Variants in ADAM17 observed in about 807,000 individuals in gnomAD.
ADAM17 encodes disintegrin and metalloproteinase domain-containing protein 17.
In ADAM17, 39 loss-of-function variants were observed where a neutral mutation model predicts 96.7. The observed-to-expected ratio is 0.40, with a 90% CI of 0.31 to 0.53. The LOEUF (loss-of-function observed/expected upper bound fraction) is 0.53. Ranked by LOEUF, ADAM17 falls within the 20% of genes least tolerant of loss-of-function variation. The probability of loss-of-function intolerance (pLI) is 0.44; values close to 1 mark genes in which losing one functional copy is unlikely to be tolerated. For missense variants in ADAM17, 777 were observed against 1,013.2 expected (o/e 0.77, Z 3.17); for synonymous variants, 344 against 359.2 (o/e 0.96, Z 0.48).
chr2:9,514,566 TATAA>T (rs1663952878), intron 10 of ADAM17, among the ~76,000 whole-genome samples: 2 of 92,356 alleles, frequency 2.2e-5, no homozygotes, highest in South Asian at 3.3e-4. Flanking sequence ...TATATATATA[TATAA>T]ATAAAAAGAG....
In ADAM17 at chr2:9,489,259, A is replaced by ATTTTTTTTTTTT. The variant is rs34525911; in HGVS notation, c.*906_*917dup. On this transcript the variant is annotated 3_prime_UTR_variant, in exon 19 of 19. Coordinates refer to ENST00000310823, the MANE Select transcript of ADAM17 (RefSeq NM_003183.6). ...AATATTCTAGGTTTGTAGATAGTGA[A>ATTTTTTTTTTTT]TTTTTTTTTTTTTTTTTTTTTTTTG... is the stretch of plus-strand genomic sequence containing the variant. The ATTTTTTTTTTTT allele has an allele frequency of 1.2e-3, 107 of 87,394 alleles. 14 individuals carry two copies. Among genetic ancestry groups the ATTTTTTTTTTTT allele is most frequent in the African/African-American group, 6.6e-3 (103 of 15,524 alleles). 5.4% of individuals were successfully genotyped at this position (87,394 alleles called of 1,614,324 possible).
rs577801051 is a variant in ADAM17 at position 9,489,680 on chromosome 2, G to A, written c.*497C>T. The A allele has an allele frequency of 7.7e-6, 1 of 129,278 alleles. No homozygotes were observed. The highest frequency in any genetic ancestry group is 3.0e-5 in the African/African-American group (1 of 33,608). The allele number at this position is 129,278 out of a possible 1,614,324, so 8.0% of individuals were successfully genotyped here. A position where few individuals can be genotyped will look rare whatever the true frequency, so the allele number is the denominator to read the frequency against. On this transcript the variant is annotated 3_prime_UTR_variant, in exon 19 of 19. Transcript: ENST00000310823. ...TAACTAGAAATAGACCCACAATTTA[G>A]AGACAATGTATACTAGATTTATCTC... is the stretch of plus-strand genomic sequence containing the variant.
intron 11 of ADAM17, 115 bp downstream of exon 11, chr2:9,509,864 G>T: frequency 7.5e-7 from 1 of 1,327,670 alleles, no homozygotes; most frequent in Non-Finnish European, 1.0e-6. Flanking sequence ...TTTGTAATTT[G>T]CACATCCATC....
chr2:9,512,375 T>C (rs1409451381), intron 10 of ADAM17: 1 of 152,184 alleles, frequency 6.6e-6, no homozygotes, highest in Admixed American at 6.5e-5. Flanking sequence ...TAAGAAGTTG[T>C]GACTCCAAAA....
intron 1 of ADAM17, among the ~76,000 whole-genome samples, chr2:9,555,171 T>G (rs962113988): frequency 7.2e-5 from 11 of 152,118 alleles, no homozygotes; most frequent in African/African-American, 2.7e-4. Flanking sequence ...GCAAGAACCC[T>G]GACCACATCT....
rs200399376 is a variant in ADAM17, at chr2:9,510,006, A to G, written c.1317T>C (p.Ala439=). ...TATTGTTCTCGTGATCGCCACTCAC[A>G]GCTATGGGATACATGACATATTTCC... ...QGGKYVMYPI[A]VSGDHENNKM... Residue 439 remains alanine (A), a synonymous_variant, in exon 11 of 19, where the codon GCT becomes GCC. Transcript: ENST00000310823. The G allele has an allele frequency of 1.0e-4, 163 of 1,614,108 alleles. No homozygotes were observed. In the East Asian group the frequency reaches 2.9e-3, roughly 28 times the overall value.
intron 1 of ADAM17, among the ~76,000 whole-genome samples, chr2:9,548,910 T>G (rs922399106): frequency 3.9e-5 from 6 of 152,184 alleles, no homozygotes; most frequent in South Asian, 2.1e-4. Flanking sequence ...TACAGAAGAT[T>G]AGATAAACCT....
intron 6 of ADAM17, 126 bp downstream of exon 6, chr2:9,525,985 G>T: frequency 1.0e-6 from 1 of 1,000,910 alleles, no homozygotes; most frequent in Non-Finnish European, 1.4e-6. Context: ...AAACCTCAGA[G>T]AATATCCCTC....
At chr2:9,492,180 A>G (rs1662209606) in intron 17 of ADAM17, among the ~76,000 whole-genome samples, 1 of 152,242 alleles carries the variant, frequency 6.6e-6, no homozygotes, top group Admixed American at 6.5e-5. Flanking sequence ...GAAGGCCACT[A>G]TGAAAGAGTT....
intron 10 of ADAM17, among the ~76,000 whole-genome samples, chr2:9,512,800 C>A (rs1246723831): frequency 6.6e-6 from 1 of 152,052 alleles, no homozygotes; most frequent in Non-Finnish European, 1.5e-5. Flanking sequence ...ATGAAGCCTC[C>A]ATAAAATCTC....
intron 14 of ADAM17, chr2:9,496,251 C>A (rs1428126779): frequency 6.6e-6 from 1 of 152,188 alleles, no homozygotes; most frequent in Non-Finnish European, 1.5e-5. Flanking sequence ...GCCTCAGCCT[C>A]CCTAGCAGCT....
chr2:9,539,483 TTTC>T lies in ADAM17; in HGVS notation c.231-2658_231-2656del, dbSNP rs1558523644. Among the ~76,000 whole-genome samples, 6 of 152,346 alleles carry T rather than the reference TTTC, an allele frequency of 3.9e-5. No individual in the cohort carries two copies. The South Asian group carries it at 1.2e-3, about 32-fold the overall frequency. ...GGCAAATTTTAAACAAGTTTCTTTT[TTTC>T]TTAAGTTACTTCAACTCTTCATACA... is the stretch of plus-strand genomic sequence containing the variant. On this transcript the variant is annotated intron_variant, in intron 2 of 18. Coordinates refer to ENST00000310823, the MANE Select transcript of ADAM17 (RefSeq NM_003183.6).
Position 9,489,945 on chromosome 2 carries a change from A to C in ADAM17, c.*232T>G, listed in dbSNP as rs905628838. ...TGCACCACAGGTCAAAAGATATTTT[A>C]AAAACTAAAACCTGAAAGCCTCAAA... On this transcript the variant is annotated 3_prime_UTR_variant, in exon 19 of 19. Coordinates refer to ENST00000310823, the MANE Select transcript of ADAM17 (RefSeq NM_003183.6). The C allele has an allele frequency of 2.2e-6, 1 of 450,522 alleles. No individual in the cohort carries two copies. Among genetic ancestry groups the C allele is most frequent in the Non-Finnish European group, 3.9e-6 (1 of 254,550 alleles). 27.9% of individuals were successfully genotyped at this position (450,522 alleles called of 1,614,324 possible).
intron 1 of ADAM17, among the ~76,000 whole-genome samples, chr2:9,551,233 A>G (rs1665582280): frequency 6.6e-6 from 1 of 151,950 alleles, no homozygotes; most frequent in Non-Finnish European, 1.5e-5. Flanking sequence ...CTCATGTAAC[A>G]ACAAAGAAAA....
intron 2 of ADAM17, among the ~76,000 whole-genome samples, chr2:9,537,407 G>A (rs1041578046): frequency 6.6e-6 from 1 of 152,166 alleles, no homozygotes; most frequent in Non-Finnish European, 1.5e-5. Context: ...TTATTGCTGT[G>A]CAAAATTAAT....
At position 9,510,123 on chromosome 2, in the gene ADAM17, G is replaced by A; in HGVS notation, c.1200C>T (p.Asp400=). ...GTCCCAATTCATGAGTTGTAACCAG[G>A]TCAGCTTCCTTAAGGATCATGCAAA... ...YGKTILTKEA[D]LVTTHELGHN... is the part of the protein sequence containing the mutation. The change falls in exon 11 of 19, where the codon GAC becomes GAT. Residue 400 remains aspartate (D), a synonymous_variant. Transcript: ENST00000310823. 6.2e-7 allele frequency: 1 copy of A among 1,614,038 alleles called. No homozygotes were observed. Among genetic ancestry groups the A allele is most frequent in the Non-Finnish European group, 8.5e-7 (1 of 1,179,982 alleles).
chr2:9,520,528 G>C (rs1345080986), intron 8 of ADAM17, among the ~76,000 whole-genome samples: 1 of 152,192 alleles, frequency 6.6e-6, no homozygotes, highest in African/African-American at 2.4e-5. Context: ...AAGATAAATT[G>C]ATAAGCTTCA....
At chr2:9,554,280 T>C (rs1285537208) in intron 1 of ADAM17, among the ~76,000 whole-genome samples, 3 of 152,190 alleles carry the variant, frequency 2.0e-5, no homozygotes, top group Admixed American at 2.0e-4. Flanking sequence ...TACTAACATT[T>C]ATCCTTAAAA....
chr2:9,543,157 T>G lies in ADAM17; in HGVS notation c.226A>C (p.Lys76Gln). 6.3e-7 allele frequency: 1 copy of G among 1,581,410 alleles called. No homozygotes were observed. The highest frequency in any genetic ancestry group is 8.6e-7 in the Non-Finnish European group (1 of 1,167,958). ...TCCATGAATAATTCAAATTACCTTT[T>G]CAAAGCTGAAAAAGTTAGTAGTGTT... ...VETLLTFSAL[K>Q]RHFKLYLTSS... Residue 76 changes from lysine to glutamine, a missense_variant, in exon 2 of 19, where the codon AAA becomes CAA. Transcript: ENST00000310823.
Sources: gnomAD v4.1 joint callset for allele counts (sites outside exome capture counted in the v4.1 genomes callset) on GRCh38, gnomAD v4.1.1 for gene constraint, MANE v1.5 for transcripts, NCBI Gene and HGNC (gene_info 2026-07-23, HGNC 2026-07-21) for gene names.